The following TMEM168 variants were observed in gnomAD, a reference collection of about 807,000 sequenced individuals.
The protein encoded by TMEM168 is transmembrane protein 168.
TMEM168 carries 40 observed loss-of-function variants against 53.2 expected under a neutral mutation model. That is an observed-to-expected ratio of 0.75 (90% CI 0.58 to 0.98). The LOEUF (loss-of-function observed/expected upper bound fraction) is 0.98, where lower values mean the gene tolerates loss of function less well. Ranked by LOEUF, TMEM168 falls within the 50% of genes least tolerant of loss-of-function variation. TMEM168 has a pLI of 0.00. For synonymous variants in TMEM168, 282 were observed against 293.0 expected, an observed-to-expected ratio of 0.96 and a Z score of 0.38; for missense variants, 771 against 828.8, an observed-to-expected ratio of 0.93 and a Z score of 0.86.
intron 2 of TMEM168, among the ~76,000 whole-genome samples, chr7:112,776,756 GT>G (rs1284683369): frequency 0.046 from 6,583 of 143,320 alleles, 316 homozygotes; most frequent in African/African-American, 0.13. Context: ...TCATGTGTAT[GT>G]TTTTTTTTTT....
intron 3 of TMEM168, among the ~76,000 whole-genome samples, chr7:112,774,411 T>G (rs148501528): frequency 6.8e-6 from 1 of 146,160 alleles, no homozygotes; most frequent in Non-Finnish European, 1.5e-5. Context: ...TCCTGTCAGA[T>G]GAACAGAAGA....
At position 112,784,890 on chromosome 7, in the gene TMEM168, T is replaced by A. The variant is rs1793339478; in HGVS notation, c.-65A>T. On this transcript the variant is annotated 5_prime_UTR_variant, in exon 2 of 5. Transcript: ENST00000312814. The stretch of plus-strand genomic sequence containing the variant: ...TTAACCGCTTGTATTTCATCCAGTA[T>A]ATCCAATGTATCCGCAACTCCTATT... 2.9e-6 allele frequency: 4 copies of A among 1,394,772 alleles called. No homozygotes were observed. In the Admixed American group the frequency reaches 1.0e-4, roughly 36 times the overall value. The allele number at this position is 1,394,772 out of a possible 1,614,324, so 86.4% of individuals were successfully genotyped here.
chr7:112,767,157 T>C lies in TMEM168; in HGVS notation c.*40A>G, dbSNP rs528870018. The C allele has an allele frequency of 3.1e-5, 48 of 1,545,780 alleles. 1 individual carries two copies. The South Asian group carries it at 5.9e-4, about 19-fold the overall frequency. On this transcript the variant is annotated 3_prime_UTR_variant, in exon 5 of 5. Transcript: ENST00000312814. ...AAAATGGCAAGTTAGTGATAATTGG[T>C]AGTATGAGTGCTTATTAATATCCCG...
intron 4 of TMEM168, among the ~76,000 whole-genome samples, chr7:112,772,132 A>G (rs1792944958): frequency 1.3e-5 from 2 of 152,152 alleles, no homozygotes; most frequent in Non-Finnish European, 1.5e-5. Context: ...GAAGTTTTCT[A>G]TTTCCCATAA....
At chr7:112,771,206 G>A (rs141176124) in intron 4 of TMEM168, among the ~76,000 whole-genome samples, 3 of 152,218 alleles carry the variant, frequency 2.0e-5, no homozygotes, top group East Asian at 1.9e-4. Flanking sequence ...TTTTGAAATG[G>A]GTGACCCATG....
At chr7:112,779,508 C>T (rs2116276247) in intron 2 of TMEM168, among the ~76,000 whole-genome samples, 1 of 152,280 alleles carries the variant, frequency 6.6e-6, no homozygotes, top group Non-Finnish European at 1.5e-5. Flanking sequence ...CTCCTTACAC[C>T]TTAATTCCAA....
chr7:112,773,939 TGTC>T (rs1213159170), intron 3 of TMEM168, among the ~76,000 whole-genome samples: 1 of 152,218 alleles, frequency 6.6e-6, no homozygotes, highest in Non-Finnish European at 1.5e-5. Flanking sequence ...TCTACAAGGT[TGTC>T]ATTTCTCACT....
Position 112,775,273 on chromosome 7 carries a change from A to G in TMEM168, c.1174T>C (p.Leu392=). The change falls in exon 3 of 5, where the codon TTG becomes CTG. Residue 392 remains leucine (L), a synonymous_variant. Transcript: ENST00000312814. ...FLSMFLIVLP[L]ESMAHGLFHE... is the part of the protein sequence containing the mutation. ...AAGAGCCCATGAGCCATGGATTCCA[A>G]TGGCAAAACGATTAGAAACATGCTC... 6.2e-7 allele frequency: 1 copy of G among 1,613,708 alleles called. No homozygotes were observed. Among genetic ancestry groups the G allele is most frequent in the Non-Finnish European group, 8.5e-7 (1 of 1,179,848 alleles).
intron 2 of TMEM168, among the ~76,000 whole-genome samples, chr7:112,779,754 A>C (rs1793179700): frequency 6.6e-6 from 1 of 152,226 alleles, no homozygotes; most frequent in Admixed American, 6.5e-5. Context: ...CAAAGTATTC[A>C]ATGTTTCATA....
chr7:112,781,456 C>T (rs1005069347), intron 2 of TMEM168, among the ~76,000 whole-genome samples: 2 of 152,030 alleles, frequency 1.3e-5, no homozygotes, highest in Non-Finnish European at 2.9e-5. Context: ...ATTAGGATAT[C>T]ACACAACAAA....
rs6950471 is a variant in TMEM168, at chr7:112,767,181, C to T, written c.*16G>A. The T allele has an allele frequency of 8.9e-3, 14,187 of 1,592,782 alleles. 999 individuals are homozygous for T. The African/African-American group carries it at 0.16, about 18-fold the overall frequency. ...GTAGTATGAGTGCTTATTAATATCC[C>T]GCTTTGGGGTCCAAATTAAGATTTG... On this transcript the variant is annotated 3_prime_UTR_variant, in exon 5 of 5. Transcript: ENST00000312814.
At position 112,762,546 on chromosome 7, in the gene TMEM168, G is replaced by C. The variant is rs1482067541; in HGVS notation, c.*4651C>G. ...AGATAAATCAATGTCTTTTAGGCTAGACCAAATAAAAACAAAAGCTTACTA... is the reference window on the plus strand; with the variant it reads ...AGATAAATCAATGTCTTTTAGGCTACACCAAATAAAAACAAAAGCTTACTA... On this transcript the variant is annotated 3_prime_UTR_variant, in exon 5 of 5. Coordinates refer to ENST00000312814, the MANE Select transcript of TMEM168 (RefSeq NM_022484.6). 1 of 151,900 alleles carries C rather than the reference G, an allele frequency of 6.6e-6. No individual in the cohort carries two copies. Among genetic ancestry groups the C allele is most frequent in the Non-Finnish European group, 1.5e-5 (1 of 67,884 alleles). The allele number at this position is 151,900 out of a possible 1,614,324, so 9.4% of individuals were successfully genotyped here.
rs777210052 is a variant in TMEM168 at position 112,764,555 on chromosome 7, C to A, written c.*2642G>T. ...CTCTCTCTGTTGCCAGGCTGGAGTG[C>A]AGTGGCGCAATCTCGGCTCACTGCA... On this transcript the variant is annotated 3_prime_UTR_variant, in exon 5 of 5. Coordinates refer to ENST00000312814, the MANE Select transcript of TMEM168 (RefSeq NM_022484.6). 1.3e-5 allele frequency: 2 copies of A among 150,366 alleles called. No individual in the cohort carries two copies. The highest frequency in any genetic ancestry group is 2.9e-5 in the Non-Finnish European group (2 of 67,906). The allele number at this position is 150,366 out of a possible 1,614,324, so 9.3% of individuals were successfully genotyped here. A position where few individuals can be genotyped will look rare whatever the true frequency, so the allele number is the denominator to read the frequency against.
intron 3 of TMEM168, among the ~76,000 whole-genome samples, chr7:112,774,119 A>T (rs1793005371): frequency 1.3e-5 from 2 of 152,200 alleles, no homozygotes. Flanking sequence ...TCCCCCAGGG[A>T]AAGTGTGATG....
At chr7:112,782,132 T>G (rs972905585) in intron 2 of TMEM168, among the ~76,000 whole-genome samples, 12 of 152,310 alleles carry the variant, frequency 7.9e-5, no homozygotes, top group South Asian at 2.1e-4. Context: ...CTCAACATCA[T>G]TAGTCATTAG....
At chr7:112,781,594 C>A (rs373870773) in intron 2 of TMEM168, among the ~76,000 whole-genome samples, 22 of 151,978 alleles carry the variant, frequency 1.4e-4, no homozygotes, top group African/African-American at 4.8e-4. Flanking sequence ...AAAAATACAA[C>A]CTTACGTTTA....
intron 2 of TMEM168, among the ~76,000 whole-genome samples, chr7:112,775,867 C>T (rs1469078903): frequency 1.3e-5 from 2 of 151,972 alleles, no homozygotes; most frequent in Non-Finnish European, 2.9e-5. Context: ...GCACTGAACT[C>T]TCTAGATGTG....
rs1352534362 is a variant in TMEM168 at position 112,784,932 on chromosome 7, T to C, written c.-107A>G. The C allele has an allele frequency of 2.9e-6, 3 of 1,020,782 alleles. No homozygotes were observed. The highest frequency in any genetic ancestry group is 5.7e-5 in the East Asian group (2 of 35,264). 63.2% of individuals were successfully genotyped at this position (1,020,782 alleles called of 1,614,324 possible). A position where few individuals can be genotyped will look rare whatever the true frequency, so the allele number is the denominator to read the frequency against. ...ACTCCTATTTCAACATTTTCTCTTGTGGAAATTTTGTTTATAGTGATCTAA... is the reference window on the plus strand; with the variant it reads ...ACTCCTATTTCAACATTTTCTCTTGCGGAAATTTTGTTTATAGTGATCTAA... On this transcript the variant is annotated 5_prime_UTR_variant, in exon 2 of 5. Coordinates refer to ENST00000312814, the MANE Select transcript of TMEM168 (RefSeq NM_022484.6).
At chr7:112,781,219 AAATT>A (rs1001547137) in intron 2 of TMEM168, among the ~76,000 whole-genome samples, 5 of 152,134 alleles carry the variant, frequency 3.3e-5, no homozygotes, top group African/African-American at 1.2e-4. Flanking sequence ...ATTAGACAGA[AAATT>A]AACAAGGCTA....
Sources: gnomAD v4.1 joint callset for allele counts (sites outside exome capture counted in the v4.1 genomes callset) on GRCh38, gnomAD v4.1.1 for gene constraint, MANE v1.5 for transcripts, NCBI Gene and HGNC (gene_info 2026-07-23, HGNC 2026-07-21) for gene names.